The following CCDC146 variants were observed in gnomAD, a reference collection of about 807,000 sequenced individuals.
The protein encoded by CCDC146 is coiled-coil domain-containing protein 146.
In CCDC146, 92 loss-of-function variants were observed where a neutral mutation model predicts 119.3. The observed-to-expected ratio is 0.77, with a 90% CI of 0.65 to 0.92. The LOEUF (loss-of-function observed/expected upper bound fraction) is 0.92, where lower values mean the gene tolerates loss of function less well. Among genes scored for constraint, CCDC146 ranks in the 40% least tolerant of loss-of-function variants. The pLI is 0.00. For missense variants in CCDC146, 1,000 were observed against 1,103.0 expected, an observed-to-expected ratio of 0.91 and a Z score of 1.32; for synonymous variants, 372 against 371.8, an observed-to-expected ratio of 1.00 and a Z score of -0.01.
In CCDC146 at chr7:77,274,595, G is replaced by A; in HGVS notation, c.1383G>A (p.Met461Ile). 6.2e-7 allele frequency: 1 copy of A among 1,613,150 alleles called. No homozygotes were observed. The highest frequency in any genetic ancestry group is 8.5e-7 in the Non-Finnish European group (1 of 1,179,658). ...MKELVVNLLR[M>I]TQIKIDEKEQ... Reference sequence around the variant, plus strand: ...AGCTAGTAGTCAACCTTCTCCGCATGACTCAAATCAAAATTGATGAAAAGG... The same window carrying A: ...AGCTAGTAGTCAACCTTCTCCGCATAACTCAAATCAAAATTGATGAAAAGG... Residue 461 changes from methionine (M) to isoleucine (I), a missense_variant, in exon 11 of 19, where the codon ATG (methionine) becomes ATA (isoleucine). Transcript: ENST00000285871.
intron 1 of CCDC146, among the ~76,000 whole-genome samples, chr7:77,128,037 C>T (rs1445387901): frequency 6.6e-6 from 1 of 151,854 alleles, no homozygotes; most frequent in Non-Finnish European, 1.5e-5. Context: ...TAAACTGCTC[C>T]GTTTATTTTA....
intron 1 of CCDC146, among the ~76,000 whole-genome samples, chr7:77,145,118 G>A (rs910445208): frequency 7.9e-5 from 12 of 151,706 alleles, no homozygotes; most frequent in Non-Finnish European, 1.6e-4. Flanking sequence ...TCTATTCAGG[G>A]ATTCAACTTC....
At chr7:77,294,329 T>C (rs1054372673) in intron 18 of CCDC146, among the ~76,000 whole-genome samples, 9 of 152,200 alleles carry the variant, frequency 5.9e-5, no homozygotes, top group Non-Finnish European at 1.3e-4. Flanking sequence ...CCAGGATTAA[T>C]GTGATGCTTA....
intron 2 of CCDC146, among the ~76,000 whole-genome samples, chr7:77,189,196 AC>A (rs1791719517): frequency 6.7e-6 from 1 of 150,206 alleles, no homozygotes; most frequent in Non-Finnish European, 1.5e-5. Flanking sequence ...TCCACTCCTC[AC>A]ACACTTTGCA....
intron 1 of CCDC146, among the ~76,000 whole-genome samples, chr7:77,149,535 G>A (rs552272801): frequency 2.0e-3 from 309 of 152,218 alleles, no homozygotes; most frequent in African/African-American, 7.2e-3. Flanking sequence ...GGAAGCTGAG[G>A]TGGGTGGATA....
chr7:77,153,837 A>G (rs1425162403), intron 1 of CCDC146, among the ~76,000 whole-genome samples: 3 of 151,930 alleles, frequency 2.0e-5, no homozygotes, highest in Non-Finnish European at 4.4e-5. Flanking sequence ...AATCAAGTTT[A>G]CACAAAAATG....
intron 2 of CCDC146, among the ~76,000 whole-genome samples, chr7:77,192,118 G>C (rs1197269281): frequency 2.0e-5 from 3 of 151,860 alleles, no homozygotes; most frequent in Non-Finnish European, 4.4e-5. Flanking sequence ...GTAGAGATGG[G>C]GTTTCACCAT....
chr7:77,282,937 T>C (rs1793789502), intron 15 of CCDC146, 152 bp downstream of exon 15: 7 of 612,930 alleles, frequency 1.1e-5, no homozygotes, highest in Admixed American at 5.9e-5. Context: ...ATTTGAATGC[T>C]ACTCTAGGAT....
At chr7:77,228,957 C>G (rs1792570026) in intron 2 of CCDC146, among the ~76,000 whole-genome samples, 1 of 152,158 alleles carries the variant, frequency 6.6e-6, no homozygotes, top group South Asian at 2.1e-4. Context: ...GGTATTAAGC[C>G]CAGCATGCAT....
In CCDC146 at chr7:77,287,496, T is replaced by C; in HGVS notation, c.2334T>C (p.Tyr778=). The C allele has an allele frequency of 5.6e-6, 9 of 1,614,118 alleles. No individual in the cohort carries two copies. The highest frequency in any genetic ancestry group is 7.6e-6 in the Non-Finnish European group (9 of 1,179,972). ...EEKLLEKDFI[Y]EQVSRLTDRL... ...AGCTGCTGGAGAAGGATTTCATCTA[T>C]GAGCAGGTCTCCAGGCTCACAGACA... The change falls in exon 17 of 19, where the codon TAT becomes TAC. Residue 778 remains tyrosine (Y), a synonymous_variant. Coordinates refer to ENST00000285871, the MANE Select transcript of CCDC146 (RefSeq NM_020879.3).
chr7:77,155,118 G>T (rs1440725264), intron 1 of CCDC146, among the ~76,000 whole-genome samples: 1 of 152,232 alleles, frequency 6.6e-6, no homozygotes, highest in African/African-American at 2.4e-5. Context: ...AACTGATAGC[G>T]CCTTTCAGGC....
intron 1 of CCDC146, among the ~76,000 whole-genome samples, chr7:77,151,529 A>G (rs1424590848): frequency 6.6e-6 from 1 of 152,174 alleles, no homozygotes; most frequent in Non-Finnish European, 1.5e-5. Context: ...TATGGTAGTG[A>G]TCACACAACT....
At chr7:77,279,768 C>T (rs544954168) in intron 13 of CCDC146, among the ~76,000 whole-genome samples, 44 of 152,280 alleles carry the variant, frequency 2.9e-4, no homozygotes, top group Non-Finnish European at 4.6e-4. Flanking sequence ...CTCAGAAAAG[C>T]GTCTGGCAAA....
chr7:77,198,772 G>T, intron 2 of CCDC146: 1 of 202,906 alleles, frequency 4.9e-6, no homozygotes, highest in Non-Finnish European at 9.8e-6. Flanking sequence ...CATGAGAAGC[G>T]GCAGTCAGTC....
At chr7:77,170,029 A>G (rs1324122092) in intron 2 of CCDC146, among the ~76,000 whole-genome samples, 1 of 152,158 alleles carries the variant, frequency 6.6e-6, no homozygotes, top group African/African-American at 2.4e-5. Context: ...TTTATTTTAG[A>G]TACAGGGCAT....
Position 77,137,498 on chromosome 7 carries a change from C to A in CCDC146, c.-12+14766C>A, listed in dbSNP as rs1032628602. Among the ~76,000 whole-genome samples, 21 of 144,322 alleles carry A rather than the reference C, an allele frequency of 1.5e-4. 1 individual carries two copies. Among genetic ancestry groups the A allele is most frequent in the African/African-American group, 4.4e-4 (17 of 38,908 alleles). 94.7% of individuals were successfully genotyped at this position (144,322 alleles called of 152,430 possible). ...GAATGTGAAATCAAAAACAAAACAT[C>A]ATTTCCATTAGAACCCCTTAAAGTG... On this transcript the variant is annotated intron_variant, in intron 1 of 18. Coordinates refer to ENST00000285871, the MANE Select transcript of CCDC146 (RefSeq NM_020879.3).
rs191103254 is a variant in CCDC146, at chr7:77,162,524, G to A, written c.-11-5134G>A. On this transcript the variant is annotated intron_variant, in intron 1 of 18. Coordinates refer to ENST00000285871, the MANE Select transcript of CCDC146 (RefSeq NM_020879.3). ...TTTTATTTAATGCCAGCACCATACT[G>A]TTTTGATTACTATAACTTTGTGCTA... Among the ~76,000 whole-genome samples the A allele has an allele frequency of 2.5e-4, 38 of 152,208 alleles. No homozygotes were observed. The East Asian group carries it at 7.1e-3, about 29-fold the overall frequency.
At chr7:77,140,846 C>T (rs1047204948) in intron 1 of CCDC146, among the ~76,000 whole-genome samples, 3 of 152,000 alleles carry the variant, frequency 2.0e-5, no homozygotes, top group Admixed American at 6.6e-5. Context: ...ATTGATATAT[C>T]GATATCACAT....
At chr7:77,256,219 A>C (rs1231864966) in intron 5 of CCDC146, 114 bp from the exon 6 acceptor site, 3 of 706,968 alleles carry the variant, frequency 4.2e-6, no homozygotes, top group Non-Finnish European at 6.8e-6. Flanking sequence ...ATCATTCATG[A>C]ACTTCAAAAC....
Sources: allele counts gnomAD v4.1 joint callset (sites outside exome capture counted in the v4.1 genomes callset), GRCh38; gene constraint gnomAD v4.1.1; transcripts MANE v1.5; gene names NCBI Gene and HGNC (gene_info 2026-07-23, HGNC 2026-07-21).